The following CHEK2 variants were observed in gnomAD, a reference collection of about 807,000 sequenced individuals.
CHEK2 encodes checkpoint kinase 2, also known as serine/threonine-protein kinase Chk2.
Under a neutral mutation model 69.1 loss-of-function variants are expected in CHEK2, and 71 were observed. The ratio of observed to expected loss-of-function variants is 1.03; its 90% CI spans 0.85 to 1.25. CHEK2 has a LOEUF of 1.25. Ranked by LOEUF, CHEK2 falls within the 50% of genes most tolerant of loss-of-function variation. CHEK2 has a pLI of 0.00. For missense variants in CHEK2, 664 were observed against 649.6 expected (o/e 1.02, Z -0.24); for synonymous variants, 189 against 226.9 (o/e 0.83, Z 1.50).
chr22:28,687,790 C>T lies in CHEK2; in HGVS notation c.*107G>A, dbSNP rs1726752458. ...TTGTACATCAGTGACTGTGAAAAAG[C>T]AATTATTCCCATAATTAAAATACAA... On this transcript the variant is annotated 3_prime_UTR_variant, in exon 15 of 15. Coordinates refer to ENST00000404276, the MANE Select transcript of CHEK2 (RefSeq NM_007194.4). The T allele has an allele frequency of 3.3e-6, 3 of 908,882 alleles. No homozygotes were observed. The Admixed American group carries it at 6.0e-5, about 18-fold the overall frequency. The allele number at this position is 908,882 out of a possible 1,614,324, so 56.3% of individuals were successfully genotyped here. A position where few individuals can be genotyped will look rare whatever the true frequency, so the allele number is the denominator to read the frequency against.
chr22:28,735,759 G>A (rs751479062), intron 1 of CHEK2, among the ~76,000 whole-genome samples: 1 of 151,896 alleles, frequency 6.6e-6, no homozygotes, highest in Admixed American at 6.6e-5. Flanking sequence ...GCAGGCGCCT[G>A]TAGTTCCAGC....
intron 8 of CHEK2, among the ~76,000 whole-genome samples, chr22:28,701,489 G>A (rs2052845622): frequency 6.6e-6 from 1 of 152,160 alleles, no homozygotes; most frequent in African/African-American, 2.4e-5. Context: ...TGGGATTACA[G>A]GTGTGAGCCA....
chr22:28,740,469 T>C (rs1569178601), intron 1 of CHEK2, among the ~76,000 whole-genome samples: 2 of 152,242 alleles, frequency 1.3e-5, no homozygotes, highest in South Asian at 2.1e-4. Context: ...CTCCTTGGAC[T>C]GGTTTGATAA....
intron 6 of CHEK2, 59 bp from the exon 7 acceptor site, chr22:28,710,118 AC>A (rs1399315413): frequency 1.2e-5 from 15 of 1,211,238 alleles, no homozygotes; most frequent in Non-Finnish European, 1.7e-5. Context: ...ATTTAAAAAA[AC>A]ATTTACAGTT....
chr22:28,689,291 C>G (rs532203040), intron 13 of CHEK2, 76 bp from the exon 14 acceptor site: 1 of 1,024,336 alleles, frequency 9.8e-7, no homozygotes, highest in East Asian at 2.4e-5. Flanking sequence ...CTAGCATGCC[C>G]CTGTGGAAAG....
intron 11 of CHEK2, among the ~76,000 whole-genome samples, 160 bp downstream of exon 11, chr22:28,695,550 G>A (rs1298007434): frequency 2.6e-5 from 4 of 152,088 alleles, no homozygotes; most frequent in Non-Finnish European, 5.9e-5. Flanking sequence ...CCAGCTACTC[G>A]GGAGGCTGAG....
intron 4 of CHEK2, chr22:28,724,583 TGAGACAGAG>T: frequency 5.0e-5 from 14 of 280,340 alleles, no homozygotes; most frequent in Non-Finnish European, 8.5e-5. Context: ...TTTTTTGTTT[TGAGACAGAG>T]TTTCACTCTT....
At chr22:28,699,699 A>G in intron 9 of CHEK2, 139 bp downstream of exon 9, 1 of 733,164 alleles carries the variant, frequency 1.4e-6, no homozygotes, top group Non-Finnish European at 2.4e-6. Flanking sequence ...GGAGTAGGAC[A>G]TTTTTGCCAA....
At chr22:28,734,826 A>G (rs1267801342) in intron 1 of CHEK2, 99 bp from the exon 2 acceptor site, 3 of 528,388 alleles carry the variant, frequency 5.7e-6, no homozygotes, top group African/African-American at 4.8e-5. Flanking sequence ...AAAAGAAAAG[A>G]AAAAAAAAAA....
chr22:28,725,151 A>C, intron 3 of CHEK2, 27 bp from the exon 4 acceptor site: 1 of 1,614,062 alleles, frequency 6.2e-7, no homozygotes, highest in Non-Finnish European at 8.5e-7. Context: ...TTTGTTTCAG[A>C]CTTTGAATAG....
At chr22:28,698,553 C>CATCTA (rs772621140) in intron 9 of CHEK2, among the ~76,000 whole-genome samples, 2 of 152,032 alleles carry the variant, frequency 1.3e-5, no homozygotes, top group South Asian at 4.1e-4. Context: ...CTAGGTAGAT[C>CATCTA]AATCATAAAA....
chr22:28,729,587 G>T (rs1481764476), intron 2 of CHEK2, among the ~76,000 whole-genome samples: 1 of 149,028 alleles, frequency 6.7e-6, no homozygotes, highest in Non-Finnish European at 1.5e-5. Flanking sequence ...GGAAAGCTTG[G>T]TTGGTTTAAC....
At chr22:28,689,431 G>A (rs1239260732) in intron 13 of CHEK2, 1 of 538,646 alleles carries the variant, frequency 1.9e-6, no homozygotes, top group African/African-American at 1.9e-5. Flanking sequence ...AATCCTGGCT[G>A]ACTCACATCC....
At chr22:28,738,672 T>C (rs1372695356) in intron 1 of CHEK2, among the ~76,000 whole-genome samples, 2 of 152,098 alleles carry the variant, frequency 1.3e-5, no homozygotes, top group East Asian at 3.9e-4. Context: ...TCCCAAAACC[T>C]ATAAAACTAC....
chr22:28,733,389 A>G (rs556451245), intron 2 of CHEK2, among the ~76,000 whole-genome samples: 33 of 152,314 alleles, frequency 2.2e-4, no homozygotes, highest in African/African-American at 7.7e-4. Context: ...CTACCTTCAG[A>G]TCTTTGGATG....
At chr22:28,689,277 A>T in intron 13 of CHEK2, 62 bp from the exon 14 acceptor site, 2 of 1,109,762 alleles carry the variant, frequency 1.8e-6, no homozygotes, top group Non-Finnish European at 2.7e-6. Context: ...CTAGAATGAC[A>T]GGGCTAGCAT....
intron 13 of CHEK2, among the ~76,000 whole-genome samples, chr22:28,693,677 G>A (rs984203496): frequency 3.3e-5 from 5 of 152,080 alleles, no homozygotes; most frequent in Non-Finnish European, 5.9e-5. Context: ...TGGCCAGCAC[G>A]GCGAAACCCC....
chr22:28,733,829 G>A (rs994260858), intron 2 of CHEK2, among the ~76,000 whole-genome samples: 1 of 150,486 alleles, frequency 6.6e-6, no homozygotes, highest in Non-Finnish European at 1.5e-5. Context: ...TGAGACAGGA[G>A]AATCGCTTGA....
intron 2 of CHEK2, chr22:28,728,096 C>T (rs377731786): frequency 8.8e-4 from 134 of 152,252 alleles, no homozygotes; most frequent in African/African-American, 3.1e-3. Flanking sequence ...GCACCACTCA[C>T]TCCAGAGTGA....
Sources: allele counts gnomAD v4.1 joint callset (sites outside exome capture counted in the v4.1 genomes callset), GRCh38; gene constraint gnomAD v4.1.1; transcripts MANE v1.5; gene names NCBI Gene and HGNC (gene_info 2026-07-23, HGNC 2026-07-21).